The following STX18 variants were observed in gnomAD, a reference collection of about 807,000 sequenced individuals.
The protein encoded by STX18 is syntaxin 18.
STX18 carries 40 observed loss-of-function variants against 50.1 expected under a neutral mutation model. The ratio of observed to expected loss-of-function variants is 0.80; its 90% CI spans 0.62 to 1.04. STX18 has a LOEUF of 1.04. STX18 is among the 50% of genes least tolerant of loss of function. STX18 has a pLI of 0.00. For synonymous variants in STX18, 158 were observed against 151.8 expected, an observed-to-expected ratio of 1.04 and a Z score of -0.30; for missense variants, 410 against 415.8, an observed-to-expected ratio of 0.99 and a Z score of 0.12.
rs1724887721 is a variant in STX18, at chr4:4,420,588, T to C, written c.912+276A>G. On this transcript the variant is annotated intron_variant, in intron 10 of 10. Coordinates refer to ENST00000306200, the MANE Select transcript of STX18 (RefSeq NM_016930.4). This position sits in a 1 kb window ranked among gnomAD's most constrained non-coding sequence, Gnocchi z 4.3. ...AGCTACCCATGTACATCCCTGGACA[T>C]GAAGAGCTGGCCTGACCCTGCCAGG... 2.1e-6 allele frequency: 1 copy of C among 481,266 alleles called. No individual in the cohort carries two copies. Among genetic ancestry groups the C allele is most frequent in the African/African-American group, 2.0e-5 (1 of 51,104 alleles). 29.8% of individuals were successfully genotyped at this position (481,266 alleles called of 1,614,324 possible).
Position 4,432,472 on chromosome 4 carries a change from T to A in STX18, c.702+2298A>T, listed in dbSNP as rs73793298. ...GGCTCTTCTGCCTCTTTGTACAACC[T>A]GCCACTCTCAAGGGTAAAGGAAGGG... is the stretch of plus-strand genomic sequence containing the variant. On this transcript the variant is annotated intron_variant, in intron 7 of 10. Coordinates refer to ENST00000306200, the MANE Select transcript of STX18 (RefSeq NM_016930.4). Among the ~76,000 whole-genome samples the A allele has an allele frequency of 7.8e-3, 1,184 of 152,320 alleles. 14 individuals are homozygous for A. Among genetic ancestry groups the A allele is most frequent in the African/African-American group, 0.027 (1,128 of 41,572 alleles).
At chr4:4,434,487 T>C (rs1725678170) in intron 7 of STX18, among the ~76,000 whole-genome samples, 2 of 152,210 alleles carry the variant, frequency 1.3e-5, no homozygotes, top group African/African-American at 4.8e-5. Flanking sequence ...ACCCATTTAG[T>C]CTAGAAGACT....
intron 1 of STX18, among the ~76,000 whole-genome samples, chr4:4,519,178 CAA>C (rs1489883816): frequency 2.0e-5 from 3 of 152,082 alleles, no homozygotes; most frequent in Non-Finnish European, 2.9e-5. Context: ...AAAAAGATGA[CAA>C]AGAGAAAAAT....
At chr4:4,533,765 C>T (rs181755749) in intron 1 of STX18, among the ~76,000 whole-genome samples, 2 of 152,306 alleles carry the variant, frequency 1.3e-5, no homozygotes, top group East Asian at 1.9e-4. Context: ...TGCAGCCCTA[C>T]CCTAGTAGGT....
chr4:4,510,945 T>C (rs947247236), intron 1 of STX18, among the ~76,000 whole-genome samples: 13 of 149,672 alleles, frequency 8.7e-5, no homozygotes, highest in East Asian at 1.9e-4. Context: ...TAAGTGGGAA[T>C]TGAACAAGGA....
intron 1 of STX18, among the ~76,000 whole-genome samples, chr4:4,481,454 T>C (rs1458943446): frequency 6.6e-6 from 1 of 151,994 alleles, no homozygotes; most frequent in Non-Finnish European, 1.5e-5. Context: ...AAGGTCCCTG[T>C]AACACAAAAT....
chr4:4,526,828 AAAGGCTTC>A (rs1233515516), intron 1 of STX18, among the ~76,000 whole-genome samples: 4 of 152,184 alleles, frequency 2.6e-5, no homozygotes, highest in Admixed American at 6.5e-5. Context: ...AAAAATAAAA[AAAGGCTTC>A]AAAGATAACA....
At position 4,420,286 on chromosome 4, in the gene STX18, C is replaced by T. The variant is rs1724862993; in HGVS notation, c.913-157G>A. The stretch of plus-strand genomic sequence containing the variant: ...ACCTTGAATAGATGGCTTTTGAGAT[C>T]CACCAGAAGACAAATGGGTTATATT... On this transcript the variant is annotated intron_variant, in intron 10 of 10. Coordinates refer to ENST00000306200, the MANE Select transcript of STX18 (RefSeq NM_016930.4). This position sits in a 1 kb window ranked among gnomAD's most constrained non-coding sequence, Gnocchi z 4.3. 3.3e-6 allele frequency: 2 copies of T among 611,626 alleles called. No homozygotes were observed. Among genetic ancestry groups the T allele is most frequent in the Non-Finnish European group, 5.8e-6 (2 of 343,862 alleles). 37.9% of individuals were successfully genotyped at this position (611,626 alleles called of 1,614,324 possible).
At chr4:4,458,134 A>C (rs1380456163) in intron 3 of STX18, among the ~76,000 whole-genome samples, 1 of 152,226 alleles carries the variant, frequency 6.6e-6, no homozygotes, top group East Asian at 1.9e-4. Context: ...CTCTGCTAGC[A>C]CTTTACATAT....
chr4:4,512,274 G>T (rs1056935082), intron 1 of STX18, among the ~76,000 whole-genome samples: 1 of 151,762 alleles, frequency 6.6e-6, no homozygotes, highest in Non-Finnish European at 1.5e-5. Context: ...AACAGCTCCC[G>T]AGCTTTGTTT....
chr4:4,528,930 CA>C (rs1560211922), intron 1 of STX18, among the ~76,000 whole-genome samples: 3 of 152,214 alleles, frequency 2.0e-5, no homozygotes, highest in Non-Finnish European at 4.4e-5. Flanking sequence ...ATCCCAACAA[CA>C]GAAAAGGGAA....
intron 1 of STX18, among the ~76,000 whole-genome samples, chr4:4,473,496 T>C (rs985908148): frequency 2.6e-5 from 4 of 152,010 alleles, no homozygotes; most frequent in Admixed American, 6.6e-5. Flanking sequence ...GGTTTCACCA[T>C]GTTAGCCAGG....
At chr4:4,448,752 G>A (rs545026094) in intron 5 of STX18, among the ~76,000 whole-genome samples, 2 of 152,118 alleles carry the variant, frequency 1.3e-5, no homozygotes, top group Non-Finnish European at 2.9e-5. Flanking sequence ...GAAAGTGCCT[G>A]GCATGAAGCC....
chr4:4,511,736 GTGTGTGTGTGTGTGTGTGTGTGTGTA>G (rs966658285), intron 1 of STX18, among the ~76,000 whole-genome samples: 7 of 150,578 alleles, frequency 4.6e-5, no homozygotes, highest in South Asian at 2.1e-4. Flanking sequence ...GTGTGTGTGT[GTGTGTGTGTGTGTGTGTGTGTGTGTA>G]TGCCCCTAGG....
intron 1 of STX18, among the ~76,000 whole-genome samples, chr4:4,492,835 T>C (rs1370945166): frequency 1.3e-5 from 2 of 152,186 alleles, no homozygotes; most frequent in African/African-American, 2.4e-5. Context: ...ATTTAAGAGA[T>C]GGTAATAACA....
intron 1 of STX18, among the ~76,000 whole-genome samples, chr4:4,481,016 T>C (rs1245354569): frequency 6.6e-6 from 1 of 152,220 alleles, no homozygotes; most frequent in East Asian, 1.9e-4. Flanking sequence ...TCTGGGAGCA[T>C]GGCTGCCAGC....
chr4:4,436,088 C>T (rs1322992509), intron 6 of STX18, among the ~76,000 whole-genome samples: 1 of 152,118 alleles, frequency 6.6e-6, no homozygotes, highest in Non-Finnish European at 1.5e-5. Context: ...GTCTCAGCCC[C>T]ATGAGATGGC....
At chr4:4,425,048 G>C in intron 8 of STX18, 116 bp downstream of exon 8, 1 of 911,748 alleles carries the variant, frequency 1.1e-6, no homozygotes, top group Middle Eastern at 2.2e-4. Flanking sequence ...GCTGAGGGGG[G>C]CTGCACCAGC....
At chr4:4,499,306 T>C (rs1016234184) in intron 1 of STX18, among the ~76,000 whole-genome samples, 3 of 152,218 alleles carry the variant, frequency 2.0e-5, no homozygotes, top group Admixed American at 6.5e-5. Context: ...ATACTTTTTT[T>C]CCTGGGGGTA....
Sources: gnomAD v4.1 joint callset for allele counts (sites outside exome capture counted in the v4.1 genomes callset) on GRCh38, gnomAD v4.1.1 for gene constraint, Gnocchi (gnomAD v3.1) non-coding constraint, MANE v1.5 for transcripts, NCBI Gene and HGNC (gene_info 2026-07-23, HGNC 2026-07-21) for gene names.